The following PCAT7 variants were observed in gnomAD, a reference collection of about 807,000 sequenced individuals.
PCAT7 encodes prostate cancer associated transcript 7, also known as prostate cancer associated transcript 7 (non-protein coding).
intron 1 of PCAT7, chr9:94,558,895 A>G (rs1827049410): frequency 6.3e-7 from 1 of 1,580,664 alleles, no homozygotes; most frequent in Non-Finnish European, 8.7e-7. Context: ...GTCCTTAGAC[A>G]AGGTGCAAGA....
At chr9:94,558,885 G>A (rs1827049090) in intron 1 of PCAT7, 1 of 1,523,144 alleles carries the variant, frequency 6.6e-7, no homozygotes, top group Non-Finnish European at 9.1e-7. Flanking sequence ...TTCATTTAGG[G>A]TCCTTAGACA....
exon 2 of PCAT7, chr9:94,559,001 C>T: frequency 6.2e-7 from 1 of 1,614,102 alleles, no homozygotes; most frequent in African/African-American, 1.3e-5. Context: ...CTGGTGACCC[C>T]AGAATGAGGG....
chr9:94,558,070 A>G (rs574257444), intron 1 of PCAT7, among the ~76,000 whole-genome samples: 1 of 152,238 alleles, frequency 6.6e-6, no homozygotes, highest in Non-Finnish European at 1.5e-5. Context: ...AAGTGACCCC[A>G]TTTTCCATTC....
intron 2 of PCAT7, among the ~76,000 whole-genome samples, chr9:94,563,725 TAAAC>T (rs1827143723): frequency 1.1e-5 from 1 of 94,728 alleles, no homozygotes; most frequent in African/African-American, 3.7e-5. Context: ...AAAGAGCCGC[TAAAC>T]AAACAAAGAA....
chr9:94,562,712 G>T (rs561675426), intron 2 of PCAT7, among the ~76,000 whole-genome samples: 1 of 152,228 alleles, frequency 6.6e-6, no homozygotes, highest in East Asian at 1.9e-4. Flanking sequence ...TTTATGGGAG[G>T]TTCTCTGCAA....
intron 2 of PCAT7, among the ~76,000 whole-genome samples, chr9:94,561,046 A>G (rs1407475172): frequency 6.6e-6 from 1 of 152,124 alleles, no homozygotes; most frequent in Non-Finnish European, 1.5e-5. Context: ...ACTGGAGGCC[A>G]TGCTGTCCAG....
chr9:94,559,284 T>C, intron 2 of PCAT7: 1 of 661,806 alleles, frequency 1.5e-6, no homozygotes, highest in Non-Finnish European at 2.5e-6. Flanking sequence ...GCCCGAGCTT[T>C]AGAGCCTACA....
intron 2 of PCAT7, chr9:94,571,651 G>T (rs1827271748): frequency 1.3e-6 from 2 of 1,524,702 alleles, no homozygotes; most frequent in Middle Eastern, 1.7e-4. Context: ...TCTCTGGAGA[G>T]AACACTTTGC....
chr9:94,560,500 T>A (rs970943869), intron 2 of PCAT7, among the ~76,000 whole-genome samples: 5 of 152,150 alleles, frequency 3.3e-5, no homozygotes, highest in African/African-American at 1.2e-4. Flanking sequence ...CAGTATCATC[T>A]TCTTCTTTCT....
chr9:94,558,974 A>C lies in PCAT7; in HGVS notation n.263A>C, dbSNP rs1346244061. 6 of 1,614,078 alleles carry C rather than the reference A, an allele frequency of 3.7e-6. No homozygotes were observed. In the Admixed American group the frequency reaches 8.3e-5, roughly 22 times the overall value. On this transcript the variant is annotated non_coding_transcript_exon_variant, in exon 2 of 9. Transcript: ENST00000647389. ...CCTGATTTTTCTGCACACAGGTGAG[A>C]TATTCCTGCACATCCTCTGGTGACC...
intron 1 of PCAT7, among the ~76,000 whole-genome samples, chr9:94,556,784 TC>T (rs1271848243): frequency 1.3e-5 from 2 of 152,242 alleles, no homozygotes; most frequent in Non-Finnish European, 2.9e-5. Flanking sequence ...AAGCATTTTA[TC>T]CTATGTTTTC....
chr9:94,561,215 T>C (rs908335321), intron 2 of PCAT7, among the ~76,000 whole-genome samples: 7 of 152,178 alleles, frequency 4.6e-5, no homozygotes, highest in Non-Finnish European at 4.4e-5. Context: ...AGCTCAGCAT[T>C]AGTACCTAAT....
chr9:94,564,200 CACATACAGT>C (rs1410687675), intron 2 of PCAT7, among the ~76,000 whole-genome samples: 1 of 152,202 alleles, frequency 6.6e-6, no homozygotes, highest in African/African-American at 2.4e-5. Context: ...TCACACACAG[CACATACAGT>C]AAAATTGGAA....
intron 2 of PCAT7, chr9:94,570,467 A>C (rs1306132556): frequency 6.6e-6 from 1 of 152,226 alleles, no homozygotes. Context: ...ATTTAAATGC[A>C]TTAATAGATG....
At chr9:94,561,426 G>C (rs984034004) in intron 2 of PCAT7, among the ~76,000 whole-genome samples, 2 of 137,862 alleles carry the variant, frequency 1.5e-5, no homozygotes, top group East Asian at 2.3e-4. Context: ...GCAGTGGCGC[G>C]ATCTCGGCTC....
At chr9:94,571,426 TC>T in intron 2 of PCAT7, 2 of 1,552,258 alleles carry the variant, frequency 1.3e-6, no homozygotes, top group Non-Finnish European at 1.7e-6. Flanking sequence ...GCCCATGGAG[TC>T]CCCAGGCACA....
chr9:94,554,792 A>AGGCTCC (rs1464147846), upstream of PCAT7, among the ~76,000 whole-genome samples: 600 of 152,240 alleles, frequency 3.9e-3, 1 homozygote, highest in African/African-American at 0.014. Context: ...TCCAGGCTCC[A>AGGCTCC]AGCTCCAGGC....
chr9:94,564,431 C>G lies in PCAT7; in HGVS notation n.441+5279C>G, dbSNP rs149009319. On this transcript the variant is annotated intron_variant and non_coding_transcript_variant, in intron 2 of 8. Transcript: ENST00000647389. ...AACCTAAATGCCCATCAGTGGTAGA[C>G]TGGATAAAGAAATGTGCTACATATA... Among the ~76,000 whole-genome samples, 14 of 152,232 alleles carry G rather than the reference C, an allele frequency of 9.2e-5. No homozygotes were observed. In the East Asian group the frequency reaches 2.5e-3, roughly 27 times the overall value.
At chr9:94,567,750 C>T (rs1397535898) in intron 2 of PCAT7, 1 of 217,510 alleles carries the variant, frequency 4.6e-6, no homozygotes, top group Non-Finnish European at 9.1e-6. Flanking sequence ...TTCTCACCCG[C>T]AGATTAATGT....
Sources: allele counts gnomAD v4.1 joint callset (sites outside exome capture counted in the v4.1 genomes callset), GRCh38; gene constraint gnomAD v4.1.1; transcripts MANE v1.5; gene names NCBI Gene and HGNC (gene_info 2026-07-23, HGNC 2026-07-21).